Variants in PCDHGA1 observed in about 807,000 individuals in gnomAD.
PCDHGA1 encodes the protein protocadherin gamma subfamily A, 1, also known as protocadherin gamma-A1.
Under a neutral mutation model 58.0 loss-of-function variants are expected in PCDHGA1, and 32 were observed. The ratio of observed to expected loss-of-function variants is 0.55; its 90% CI spans 0.42 to 0.74. PCDHGA1 has a LOEUF of 0.74. Among genes scored for constraint, PCDHGA1 ranks in the 30% least tolerant of loss-of-function variants. The pLI, the probability that PCDHGA1 is intolerant of heterozygous loss-of-function variation, is 0.00. For missense variants in PCDHGA1, 1,205 were observed against 1,182.3 expected (o/e 1.02, Z -0.28); for synonymous variants, 498 against 501.1 (o/e 0.99, Z 0.08).
At chr5:141,356,949 T>C in intron 1 of PCDHGA1, 1 of 1,614,204 alleles carries the variant, frequency 6.2e-7, no homozygotes, top group Non-Finnish European at 8.5e-7. Context: ...GCTCCGCAGA[T>C]TCCGGCTACC....
Position 141,491,260 on chromosome 5 carries a change from A to G in PCDHGA1, c.2422-3547A>G. On this transcript the variant is annotated intron_variant, in intron 1 of 3. Coordinates refer to ENST00000517417, the MANE Select transcript of PCDHGA1 (RefSeq NM_018912.3). This position sits in a 1 kb window ranked among gnomAD's most constrained non-coding sequence, Gnocchi z 6.9. ...TCTGGAGGATGAGGACCCTGAGGAA[A>G]TGCCCAAATCCAGTGACTTCCTCAT... 6.2e-7 allele frequency: 1 copy of G among 1,614,108 alleles called. No individual in the cohort carries two copies. The highest frequency in any genetic ancestry group is 1.7e-5 in the Admixed American group (1 of 60,028).
At chr5:141,383,559 G>C in intron 1 of PCDHGA1, 1 of 1,612,810 alleles carries the variant, frequency 6.2e-7, no homozygotes, top group Non-Finnish European at 8.5e-7. Context: ...GCGGCGACCC[G>C]CCCCGATCCA....
chr5:141,428,025 G>C, intron 1 of PCDHGA1: 1 of 1,606,426 alleles, frequency 6.2e-7, no homozygotes, highest in Non-Finnish European at 8.5e-7. Flanking sequence ...ACGCGCCGCA[G>C]AGTCCGGCTA....
Position 141,477,797 on chromosome 5 carries a change from A to G in PCDHGA1, c.2422-17010A>G. ...CGTGAACATATTTGTCACTGATCGC[A>G]ATGACAATGCCCCCCAGGTCCTATA... On this transcript the variant is annotated intron_variant, in intron 1 of 3. Coordinates refer to ENST00000517417, the MANE Select transcript of PCDHGA1 (RefSeq NM_018912.3). This position sits in a 1 kb window ranked among gnomAD's most constrained non-coding sequence, Gnocchi z 4.9. 1.2e-6 allele frequency: 2 copies of G among 1,614,082 alleles called. No individual in the cohort carries two copies. Among genetic ancestry groups the G allele is most frequent in the Non-Finnish European group, 1.7e-6 (2 of 1,180,032 alleles).
At chr5:141,504,135 C>G (rs758903340) in intron 2 of PCDHGA1, among the ~76,000 whole-genome samples, 215 of 152,306 alleles carry the variant, frequency 1.4e-3, no homozygotes, top group Middle Eastern at 3.4e-3. Context: ...CCCGCCAACA[C>G]TCCCCTGCAA....
At chr5:141,438,710 G>C (rs568772648) in intron 1 of PCDHGA1, among the ~76,000 whole-genome samples, 2 of 147,308 alleles carry the variant, frequency 1.4e-5, no homozygotes, top group South Asian at 4.3e-4. Context: ...ACCCAGGCTG[G>C]AGTGCAAGTG....
chr5:141,351,407 C>G (rs764756339), intron 1 of PCDHGA1: 5 of 1,611,244 alleles, frequency 3.1e-6, no homozygotes, highest in Non-Finnish European at 4.2e-6. Context: ...ATGCTATACT[C>G]AGGAAGAAGT....
chr5:141,415,577 C>T (rs776744277), intron 1 of PCDHGA1: 3 of 1,613,744 alleles, frequency 1.9e-6, no homozygotes, highest in East Asian at 4.5e-5. Context: ...TTAGATGATT[C>T]GAAGTTTCCT....
Position 141,330,933 on chromosome 5 carries a change from C to T in PCDHGA1, c.249C>T (p.Ser83=), listed in dbSNP as rs1564079708. 7.4e-6 allele frequency: 12 copies of T among 1,614,222 alleles called. No homozygotes were observed. Among genetic ancestry groups the T allele is most frequent in the South Asian group, 2.2e-5 (2 of 91,086 alleles). Residue 83 remains serine (S), a synonymous_variant, in exon 1 of 4, where the codon AGC becomes AGT. Coordinates refer to ENST00000517417, the MANE Select transcript of PCDHGA1 (RefSeq NM_018912.3). ...PLFALNPRSG[S]LITARRIDRE... Reference sequence around the variant, plus strand: ...TCGCTCTGAATCCTAGAAGTGGCAGCTTGATCACCGCGCGCAGGATAGACC... The same window carrying T: ...TCGCTCTGAATCCTAGAAGTGGCAGTTTGATCACCGCGCGCAGGATAGACC...
intron 1 of PCDHGA1, chr5:141,376,828 A>T (rs986272669): frequency 7.4e-6 from 2 of 269,538 alleles, no homozygotes; most frequent in African/African-American, 4.6e-5. Context: ...CTGGGACTAC[A>T]GGCGCCCGCC....
chr5:141,351,498 AC>A (rs1758736797), intron 1 of PCDHGA1: 1 of 1,613,898 alleles, frequency 6.2e-7, no homozygotes, highest in African/African-American at 1.3e-5. Context: ...CAGACAGCAG[AC>A]TACAACGTCA....
intron 1 of PCDHGA1, chr5:141,350,916 T>G (rs761144517): frequency 6.2e-7 from 1 of 1,614,080 alleles, no homozygotes; most frequent in Admixed American, 1.7e-5. Flanking sequence ...GACCCGCCTC[T>G]AAGCGGCACC....
At chr5:141,407,124 T>C (rs1409043654) in intron 1 of PCDHGA1, among the ~76,000 whole-genome samples, 1 of 152,242 alleles carries the variant, frequency 6.6e-6, no homozygotes, top group Non-Finnish European at 1.5e-5. Flanking sequence ...TTTCAGTTGC[T>C]TTATTTTTAA....
chr5:141,376,304 G>T, intron 1 of PCDHGA1: 1 of 1,614,218 alleles, frequency 6.2e-7, no homozygotes, highest in Non-Finnish European at 8.5e-7. Context: ...CTCGCACTTT[G>T]TGGGCGTGGA....
chr5:141,389,124 C>A, intron 1 of PCDHGA1: 1 of 1,613,996 alleles, frequency 6.2e-7, no homozygotes, highest in Non-Finnish European at 8.5e-7. Flanking sequence ...CGAGCAGAAT[C>A]CAGAGTACAA....
At position 141,331,327 on chromosome 5, in the gene PCDHGA1, T is replaced by G. The variant is rs116468502; in HGVS notation, c.643T>G (p.Ser215Ala). ...TGTCCACCACCTCATCCTCACAGCTTCTGATGGGGGTGAACCAGTCCGTTC... is the reference window on the plus strand; with the variant it reads ...TGTCCACCACCTCATCCTCACAGCTGCTGATGGGGGTGAACCAGTCCGTTC... ...EAVHHLILTA[S>A]DGGEPVRSGT... The change falls in exon 1 of 4, where the codon TCT (serine) becomes GCT (alanine). Residue 215 changes from serine (S) to alanine (A), a missense_variant. Physicochemically the swap from Ser to Ala is moderately conservative, Grantham distance 99 (BLOSUM62 1). Coordinates refer to ENST00000517417, the MANE Select transcript of PCDHGA1 (RefSeq NM_018912.3). 4 of 1,614,148 alleles carry G rather than the reference T, an allele frequency of 2.5e-6. No homozygotes were observed. The African/African-American group carries it at 5.3e-5, about 22-fold the overall frequency.
At chr5:141,510,828 C>T in intron 3 of PCDHGA1, 119 bp from the exon 4 acceptor site, 18 of 1,572,154 alleles carry the variant, frequency 1.1e-5, no homozygotes, top group Non-Finnish European at 1.6e-5. Context: ...ATTCCCAGTG[C>T]TCAGCGTGGT....
At position 141,372,874 on chromosome 5, in the gene PCDHGA1, A is replaced by T; in HGVS notation, c.2421+39769A>T. The T allele has an allele frequency of 4.6e-6, 6 of 1,314,500 alleles. No individual in the cohort carries two copies. The East Asian group carries it at 1.2e-4, about 27-fold the overall frequency. 81.4% of individuals were successfully genotyped at this position (1,314,500 alleles called of 1,614,324 possible). A position where few individuals can be genotyped will look rare whatever the true frequency, so the allele number is the denominator to read the frequency against. On this transcript the variant is annotated intron_variant, in intron 1 of 3. Transcript: ENST00000517417. ...GGTTTCAATTCATTGATTTAGAGAT[A>T]AAAAGAATACAGATTAAATATTCCC... is the stretch of plus-strand genomic sequence containing the variant.
At chr5:141,394,739 C>T (rs377359689) in intron 1 of PCDHGA1, 4 of 1,613,390 alleles carry the variant, frequency 2.5e-6, no homozygotes, top group Non-Finnish European at 3.4e-6. Flanking sequence ...AGCAGAGCCT[C>T]GTGGTGGCCG....
Sources: gnomAD v4.1 joint callset for allele counts (sites outside exome capture counted in the v4.1 genomes callset) on GRCh38, gnomAD v4.1.1 for gene constraint, Gnocchi (gnomAD v3.1) non-coding constraint, MANE v1.5 for transcripts, NCBI Gene and HGNC (gene_info 2026-07-23, HGNC 2026-07-21) for gene names.